The following HGF variants were observed in gnomAD, a reference collection of about 807,000 sequenced individuals.
HGF encodes hepatocyte growth factor.
Under a neutral mutation model 111.6 loss-of-function variants are expected in HGF, and 39 were observed. The observed-to-expected ratio is 0.35, with a 90% CI of 0.27 to 0.46. HGF has a LOEUF of 0.46. Ranked by LOEUF, HGF falls within the 20% of genes least tolerant of loss-of-function variation. The pLI is 1.00. For synonymous variants in HGF, 285 were observed against 294.8 expected (o/e 0.97, Z 0.34); for missense variants, 735 against 910.5 (o/e 0.81, Z 2.48).
At chr7:81,733,516 G>GTAT (rs2115952365) in intron 7 of HGF, among the ~76,000 whole-genome samples, 1 of 151,976 alleles carries the variant, frequency 6.6e-6, no homozygotes, top group African/African-American at 2.4e-5. Context: ...ACAAACTAGA[G>GTAT]TATTTAGCTA....
At chr7:81,762,633 C>T in intron 2 of HGF, 74 bp downstream of exon 2, 2 of 1,120,094 alleles carry the variant, frequency 1.8e-6, no homozygotes, top group South Asian at 2.5e-5. Context: ...GACTACAACA[C>T]AAAAGACACA....
chr7:81,730,250 A>G (rs1038440575), intron 7 of HGF, among the ~76,000 whole-genome samples: 10 of 152,076 alleles, frequency 6.6e-5, no homozygotes, highest in African/African-American at 2.2e-4. Flanking sequence ...GGAGTTTAAG[A>G]CCAGCCTGGC....
intron 4 of HGF, 30 bp downstream of exon 4, chr7:81,757,159 C>G (rs1397648160): frequency 5.7e-6 from 6 of 1,054,402 alleles, no homozygotes; most frequent in Non-Finnish European, 9.0e-6. Flanking sequence ...AAGACAGAGG[C>G]TTCATCTCTT....
chr7:81,732,275 T>G (rs1055572778), intron 7 of HGF, among the ~76,000 whole-genome samples: 1 of 152,106 alleles, frequency 6.6e-6, no homozygotes, highest in Non-Finnish European at 1.5e-5. Context: ...AGACAATAAA[T>G]AAAATGAATA....
chr7:81,705,391 T>A lies in HGF; in HGVS notation c.2009A>T (p.Glu670Val). The A allele has an allele frequency of 6.2e-7, 1 of 1,612,400 alleles. No individual in the cohort carries two copies. The highest frequency in any genetic ancestry group is 8.5e-7 in the Non-Finnish European group (1 of 1,178,762). Residue 670 changes from glutamate to valine, a missense_variant and splice_region_variant, in exon 17 of 18, where the codon GAG (glutamate) becomes GTG (valine). Glu to Val is a moderately radical substitution (Grantham distance 121). Coordinates refer to ENST00000222390, the MANE Select transcript of HGF (RefSeq NM_000601.6). ...GAEKIGSGPC[E>V]GDYGGPLVCE... ...CTTATTAAAGAACTTCCTTTTTACC[T>A]CACATGGTCCTGATCCAATCTTTTC...
intron 7 of HGF, among the ~76,000 whole-genome samples, chr7:81,735,289 A>C (rs1046864809): frequency 6.6e-6 from 1 of 152,096 alleles, no homozygotes; most frequent in Non-Finnish European, 1.5e-5. Context: ...CTGGTACAAA[A>C]TGCTCAGGAG....
intron 5 of HGF, among the ~76,000 whole-genome samples, chr7:81,745,820 G>A (rs1292345180): frequency 6.6e-6 from 1 of 152,158 alleles, no homozygotes; most frequent in African/African-American, 2.4e-5. Flanking sequence ...AATTAGGTAG[G>A]CTCTTACTGA....
At chr7:81,732,902 A>G (rs912936261) in intron 7 of HGF, among the ~76,000 whole-genome samples, 1 of 152,158 alleles carries the variant, frequency 6.6e-6, no homozygotes, top group African/African-American at 2.4e-5. Context: ...TATACAGGAA[A>G]ATAGTTCACT....
chr7:81,723,240 T>C (rs1418690247), intron 9 of HGF, among the ~76,000 whole-genome samples: 2 of 152,086 alleles, frequency 1.3e-5, no homozygotes, highest in Non-Finnish European at 2.9e-5. Flanking sequence ...GAGTAGAAAG[T>C]AGAAATGGAA....
intron 8 of HGF, among the ~76,000 whole-genome samples, chr7:81,727,575 C>T (rs568804237): frequency 5.9e-5 from 3 of 50,852 alleles, no homozygotes; most frequent in Non-Finnish European, 1.0e-4. Flanking sequence ...TTTATACTTA[C>T]ATTTTTAAAA....
rs1304463154 is a variant in HGF, at chr7:81,700,347, G to A, written c.*2234C>T. 1 of 151,520 alleles carries A rather than the reference G, an allele frequency of 6.6e-6. No individual in the cohort carries two copies. Among genetic ancestry groups the A allele is most frequent in the African/African-American group, 2.4e-5 (1 of 41,370 alleles). 9.4% of individuals were successfully genotyped at this position (151,520 alleles called of 1,614,324 possible). ...TATCACGAAAGGAGCCTCCCAAAGA[G>A]AGAATTACTTTGTACGGTTTGTTTG... is the stretch of plus-strand genomic sequence containing the variant. On this transcript the variant is annotated 3_prime_UTR_variant, in exon 18 of 18. Coordinates refer to ENST00000222390, the MANE Select transcript of HGF (RefSeq NM_000601.6).
In HGF at chr7:81,752,127, A is replaced by G. The variant is rs1788533604; in HGVS notation, c.618T>C (p.Cys206=). 1 of 1,613,560 alleles carries G rather than the reference A, an allele frequency of 6.2e-7. No homozygotes were observed. The highest frequency in any genetic ancestry group is 1.1e-5 in the South Asian group (1 of 91,072). ...GCATTCAGGTTTATTTACCTTCTGA[A>G]CACTGAGGAATGTCACAGACTTCGT... ...VRYEVCDIPQ[C]SEVECMTCNG... is the part of the protein sequence containing the mutation. Residue 206 remains cysteine, a synonymous_variant, in exon 5 of 18, where the codon TGT becomes TGC. Transcript: ENST00000222390.
intron 17 of HGF, among the ~76,000 whole-genome samples, chr7:81,704,547 A>C (rs772428557): frequency 1.8e-4 from 27 of 151,840 alleles, no homozygotes; most frequent in Admixed American, 2.6e-4. Flanking sequence ...CTAAAAACTC[A>C]GTAAACAGTA....
chr7:81,742,024 A>T (rs1020662145), intron 7 of HGF, among the ~76,000 whole-genome samples: 8 of 151,628 alleles, frequency 5.3e-5, no homozygotes, highest in South Asian at 2.1e-4. Flanking sequence ...TTGGTTTATT[A>T]TACCTAACTG....
Position 81,701,350 on chromosome 7 carries a change from C to CA in HGF, c.*1230dup, listed in dbSNP as rs920454962. 8 of 150,988 alleles carry CA rather than the reference C, an allele frequency of 5.3e-5. No individual in the cohort carries two copies. Among genetic ancestry groups the CA allele is most frequent in the Admixed American group, 4.6e-4 (7 of 15,100 alleles). 9.4% of individuals were successfully genotyped at this position (150,988 alleles called of 1,614,324 possible). A position where few individuals can be genotyped will look rare whatever the true frequency, so the allele number is the denominator to read the frequency against. ...TCCTTTTACAAGTTGTCTTTTACTT[C>CA]AAAAAAGCTTTATTAGGCTAAAATC... On this transcript the variant is annotated 3_prime_UTR_variant, in exon 18 of 18. Transcript: ENST00000222390.
At chr7:81,733,732 A>T (rs1285871739) in intron 7 of HGF, among the ~76,000 whole-genome samples, 1 of 152,156 alleles carries the variant, frequency 6.6e-6, no homozygotes, top group Non-Finnish European at 1.5e-5. Context: ...AGTTATTATG[A>T]GTCTCCATGA....
intron 5 of HGF, chr7:81,750,993 TACAA>T (rs2116103141): frequency 5.1e-6 from 5 of 976,324 alleles, no homozygotes; most frequent in South Asian, 4.7e-5. Context: ...AGTAAGAATT[TACAA>T]ACAGAGATGG....
chr7:81,753,492 G>A (rs1043864137), intron 4 of HGF, among the ~76,000 whole-genome samples: 1 of 151,920 alleles, frequency 6.6e-6, no homozygotes, highest in African/African-American at 2.4e-5. Flanking sequence ...ATTCAAATGT[G>A]TTTCCTACCC....
chr7:81,719,956 T>C (rs1789810539), intron 10 of HGF, among the ~76,000 whole-genome samples: 1 of 152,210 alleles, frequency 6.6e-6, no homozygotes, highest in Non-Finnish European at 1.5e-5. Context: ...TTATAGGCAC[T>C]TGATCAAATG....
Sources: gnomAD v4.1 joint callset for allele counts (sites outside exome capture counted in the v4.1 genomes callset) on GRCh38, gnomAD v4.1.1 for gene constraint, MANE v1.5 for transcripts, NCBI Gene and HGNC (gene_info 2026-07-23, HGNC 2026-07-21) for gene names.